LRRC4C: variants seen among roughly 807,000 people sequenced by gnomAD.
The protein encoded by LRRC4C is leucine rich repeat containing 4C, also known as leucine-rich repeat-containing protein 4C.
Under a neutral mutation model 33.6 loss-of-function variants are expected in LRRC4C, and 5 were observed. The observed-to-expected ratio is 0.15, with a 90% CI of 0.08 to 0.31. LRRC4C has a LOEUF of 0.31. Among genes scored for constraint, LRRC4C ranks in the 10% least tolerant of loss-of-function variants. LRRC4C has a pLI of 1.00. For synonymous variants in LRRC4C, 329 were observed against 302.0 expected, an observed-to-expected ratio of 1.09 and a Z score of -0.93; for missense variants, 560 against 796.7, an observed-to-expected ratio of 0.70 and a Z score of 3.58.
chr11:41,285,501 T>C (rs188984463), intron 1 of LRRC4C, among the ~76,000 whole-genome samples: 2 of 152,308 alleles, frequency 1.3e-5, no homozygotes, highest in South Asian at 2.1e-4. Flanking sequence ...AACAGCCTAG[T>C]AGGGAACACA....
chr11:40,359,679 A>C (rs965635104), intron 3 of LRRC4C, among the ~76,000 whole-genome samples: 2 of 152,170 alleles, frequency 1.3e-5, no homozygotes, highest in African/African-American at 2.4e-5. Flanking sequence ...CTGGATTCCC[A>C]GTTGCTACAG....
chr11:40,304,980 T>A (rs1205674984), intron 4 of LRRC4C, among the ~76,000 whole-genome samples: 1 of 152,146 alleles, frequency 6.6e-6, no homozygotes, highest in Non-Finnish European at 1.5e-5. Flanking sequence ...TTAGCCAGGA[T>A]GGTCTCAATC....
rs543228252 is a variant in LRRC4C, at chr11:40,606,475, C to A, written c.-270+41667G>T. On this transcript the variant is annotated intron_variant, in intron 3 of 6. Coordinates refer to ENST00000528697, the MANE Select transcript of LRRC4C (RefSeq NM_001258419.2). The stretch of plus-strand genomic sequence containing the variant: ...ATAAACACTAGGAGAGATTTTTTTT[C>A]AAATGAATGATAACAACATAAAATT... Among the ~76,000 whole-genome samples, 11 of 151,558 alleles carry A rather than the reference C, an allele frequency of 7.3e-5. No individual in the cohort carries two copies. The East Asian group carries it at 1.9e-3, about 27-fold the overall frequency.
At chr11:41,013,665 C>T (rs1177388811) in intron 1 of LRRC4C, among the ~76,000 whole-genome samples, 1 of 152,110 alleles carries the variant, frequency 6.6e-6, no homozygotes, top group Non-Finnish European at 1.5e-5. Flanking sequence ...AGTCCAAGAT[C>T]AAGGTGTCAG....
intron 2 of LRRC4C, among the ~76,000 whole-genome samples, chr11:40,824,880 T>C (rs1448434078): frequency 1.3e-5 from 2 of 151,928 alleles, no homozygotes; most frequent in Non-Finnish European, 2.9e-5. Flanking sequence ...TTTTACAATA[T>C]ACGTACTAAT....
At chr11:41,380,029 GAAGAT>G (rs1041796232) in intron 1 of LRRC4C, among the ~76,000 whole-genome samples, 22 of 152,116 alleles carry the variant, frequency 1.4e-4, no homozygotes, top group African/African-American at 4.6e-4. Context: ...ACCCACCTCA[GAAGAT>G]AAGATAAGTC....
chr11:41,012,448 G>GTATA lies in LRRC4C; in HGVS notation c.-495-78729_-495-78726dup, dbSNP rs141813252. On this transcript the variant is annotated intron_variant, in intron 1 of 6. Coordinates refer to ENST00000528697, the MANE Select transcript of LRRC4C (RefSeq NM_001258419.2). ...TTATGGCCAAATAATATTCAATTGT[G>GTATA]TATATATATATCACATTTTCTTTAT... 4.0e-3 allele frequency among the ~76,000 whole-genome samples: 613 copies of GTATA among 152,010 alleles called. 4 individuals are homozygous for GTATA. The highest frequency in any genetic ancestry group is 0.014 in the African/African-American group (583 of 41,444).
intron 1 of LRRC4C, among the ~76,000 whole-genome samples, chr11:40,952,545 T>C (rs1958742911): frequency 6.6e-6 from 1 of 151,924 alleles, no homozygotes; most frequent in African/African-American, 2.4e-5. Flanking sequence ...AATGCAAATG[T>C]AATATATTTC....
chr11:41,314,642 C>A (rs920073007), intron 1 of LRRC4C, among the ~76,000 whole-genome samples: 4 of 151,994 alleles, frequency 2.6e-5, no homozygotes, highest in Non-Finnish European at 5.9e-5. Context: ...CACACCAGGG[C>A]CTGTCAGGGG....
intron 3 of LRRC4C, among the ~76,000 whole-genome samples, chr11:40,405,526 A>G (rs1949929494): frequency 6.8e-6 from 1 of 147,984 alleles, no homozygotes; most frequent in Non-Finnish European, 1.5e-5. Context: ...GATCCCAGCT[A>G]CTCGGGAGGC....
intron 3 of LRRC4C, among the ~76,000 whole-genome samples, chr11:40,633,396 T>TCTCTCTCTCTCTCTTTCTTTCTTTC (rs1565581276): frequency 1.2e-5 from 1 of 86,758 alleles, no homozygotes; most frequent in African/African-American, 5.9e-5. Flanking sequence ...TCTTTCTTTC[T>TCTCTCTCTCTCTCTTTCTTTCTTTC]TTTTTTTTTT....
At chr11:40,165,700 C>T (rs1859532466) in intron 5 of LRRC4C, among the ~76,000 whole-genome samples, 1 of 152,164 alleles carries the variant, frequency 6.6e-6, no homozygotes, top group Non-Finnish European at 1.5e-5. Flanking sequence ...AATCCCAGCT[C>T]TTTGGGAGGC....
intron 1 of LRRC4C, chr11:41,426,602 T>C (rs762115669): frequency 3.9e-5 from 6 of 152,200 alleles, no homozygotes; most frequent in Non-Finnish European, 8.8e-5. Context: ...TCACTGCCTA[T>C]TTTCCTAACA....
intron 3 of LRRC4C, among the ~76,000 whole-genome samples, chr11:40,530,036 G>A (rs889156743): frequency 2.6e-5 from 4 of 152,052 alleles, no homozygotes; most frequent in Non-Finnish European, 5.9e-5. Context: ...GACACTTAAA[G>A]TGTGCTTTCT....
intron 1 of LRRC4C, among the ~76,000 whole-genome samples, chr11:41,148,080 G>T (rs71470166): frequency 0.18 from 27,322 of 151,804 alleles, 3,052 homozygotes; most frequent in East Asian, 0.38. Context: ...ATGCAGTGAC[G>T]CCATCTCGGC....
At chr11:40,882,175 C>T (rs894534248) in intron 2 of LRRC4C, among the ~76,000 whole-genome samples, 1 of 151,924 alleles carries the variant, frequency 6.6e-6, no homozygotes, top group Non-Finnish European at 1.5e-5. Flanking sequence ...GAATGACTAG[C>T]AGGCCTAAGC....
chr11:40,339,944 C>T (rs1946794807), intron 3 of LRRC4C, among the ~76,000 whole-genome samples: 1 of 152,028 alleles, frequency 6.6e-6, no homozygotes, highest in Admixed American at 6.6e-5. Context: ...GGAAATTTGG[C>T]ATATGTGGTT....
intron 1 of LRRC4C, among the ~76,000 whole-genome samples, chr11:41,221,209 A>G (rs1031641584): frequency 1.3e-5 from 2 of 152,088 alleles, no homozygotes; most frequent in Admixed American, 1.3e-4. Context: ...TTTACAAAAA[A>G]CAACCTCATA....
At chr11:41,299,365 C>A (rs778469449) in intron 1 of LRRC4C, among the ~76,000 whole-genome samples, 1 of 152,088 alleles carries the variant, frequency 6.6e-6, no homozygotes, top group South Asian at 2.1e-4. Flanking sequence ...GGTTACATTG[C>A]ATCAAACCTG....
Sources: gnomAD v4.1 joint callset for allele counts (sites outside exome capture counted in the v4.1 genomes callset) on GRCh38, gnomAD v4.1.1 for gene constraint, MANE v1.5 for transcripts, NCBI Gene and HGNC (gene_info 2026-07-23, HGNC 2026-07-21) for gene names.